TMEM163: variants seen among roughly 807,000 people sequenced by gnomAD.
TMEM163 encodes transmembrane protein 163.
In TMEM163, 17 loss-of-function variants were observed where a neutral mutation model predicts 29.3. That is an observed-to-expected ratio of 0.58 (90% CI 0.40 to 0.87). The LOEUF (loss-of-function observed/expected upper bound fraction) is 0.87, where lower values mean the gene tolerates loss of function less well. Ranked by LOEUF, TMEM163 falls within the 40% of genes least tolerant of loss-of-function variation. The pLI is 0.00. For synonymous variants in TMEM163, 157 were observed against 160.6 expected (o/e 0.98, Z 0.17); for missense variants, 303 against 381.5 (o/e 0.79, Z 1.71).
chr2:134,470,918 T>C (rs1686785439), intron 5 of TMEM163, among the ~76,000 whole-genome samples: 1 of 152,196 alleles, frequency 6.6e-6, no homozygotes, highest in Admixed American at 6.5e-5. Context: ...ATGCCTGGAA[T>C]CCCAGTGCTT....
At chr2:134,587,007 G>A (rs1212437086) in intron 2 of TMEM163, among the ~76,000 whole-genome samples, 7 of 152,032 alleles carry the variant, frequency 4.6e-5, no homozygotes, top group African/African-American at 1.7e-4. Context: ...TCTAATTAGG[G>A]TAAATCTTGG....
chr2:134,645,982 A>AT (rs1438765168), intron 2 of TMEM163, among the ~76,000 whole-genome samples: 1 of 152,160 alleles, frequency 6.6e-6, no homozygotes, highest in Non-Finnish European at 1.5e-5. Flanking sequence ...TTTTTTAAAG[A>AT]TAAACTTTAC....
At chr2:134,595,867 T>G (rs1421457421) in intron 2 of TMEM163, among the ~76,000 whole-genome samples, 2 of 152,224 alleles carry the variant, frequency 1.3e-5, no homozygotes, top group South Asian at 2.1e-4. Context: ...TGATGGCCAG[T>G]GATGATGAGC....
At chr2:134,684,652 G>A (rs1179871378) in intron 2 of TMEM163, among the ~76,000 whole-genome samples, 8 of 152,068 alleles carry the variant, frequency 5.3e-5, no homozygotes, top group Non-Finnish European at 7.4e-5. Flanking sequence ...CAGGCCGGGC[G>A]AGGTGGCTCA....
chr2:134,497,939 C>T (rs1450034302), intron 5 of TMEM163, among the ~76,000 whole-genome samples: 4 of 152,214 alleles, frequency 2.6e-5, no homozygotes, highest in Admixed American at 2.6e-4. Context: ...TGCTCAGGAG[C>T]TGAGTCTGAA....
rs994846458 is a variant in TMEM163 at position 134,712,755 on chromosome 2, G to C, written c.322+445C>G. Among the ~76,000 whole-genome samples, 3 of 152,096 alleles carry C rather than the reference G, an allele frequency of 2.0e-5. No individual in the cohort carries two copies. In the East Asian group the frequency reaches 5.8e-4, roughly 29 times the overall value. On this transcript the variant is annotated intron_variant, in intron 2 of 7. Transcript: ENST00000281924. ...ACCCTCCCATTTTCCTTTCACTAAAGTGTGCATAGGATTTTCCTCCAAGCC... is the reference window on the plus strand; with the variant it reads ...ACCCTCCCATTTTCCTTTCACTAAACTGTGCATAGGATTTTCCTCCAAGCC...
intron 4 of TMEM163, among the ~76,000 whole-genome samples, chr2:134,539,837 T>C (rs1680627036): frequency 6.6e-6 from 1 of 152,222 alleles, no homozygotes; most frequent in African/African-American, 2.4e-5. Context: ...AGATTTCTTC[T>C]GAACACAGGA....
chr2:134,490,604 A>AT (rs763221555), intron 5 of TMEM163, among the ~76,000 whole-genome samples: 3 of 152,260 alleles, frequency 2.0e-5, no homozygotes, highest in East Asian at 3.9e-4. Context: ...AAGGTTAAGA[A>AT]TTTTTACTCA....
intron 2 of TMEM163, among the ~76,000 whole-genome samples, chr2:134,661,929 C>CTTTTT (rs1328565759): frequency 4.9e-5 from 6 of 121,248 alleles, no homozygotes; most frequent in East Asian, 5.2e-4. Context: ...AATTTTCTTT[C>CTTTTT]TTTTTTTTTT....
chr2:134,653,081 C>A lies in TMEM163; in HGVS notation c.322+60119G>T, dbSNP rs1005702310. 1.6e-5 allele frequency among the ~76,000 whole-genome samples: 2 copies of A among 122,588 alleles called. 1 individual carries two copies. The highest frequency in any genetic ancestry group is 5.7e-4 in the South Asian group (2 of 3,518). 80.4% of individuals were successfully genotyped at this position (122,588 alleles called of 152,430 possible). On this transcript the variant is annotated intron_variant, in intron 2 of 7. Coordinates refer to ENST00000281924, the MANE Select transcript of TMEM163 (RefSeq NM_030923.5). ...CTCATAAAATGAGTTAGGGAGGATT[C>A]CCTCTTTTTCTATTGATTGGAATAG...
intron 2 of TMEM163, among the ~76,000 whole-genome samples, chr2:134,686,022 T>C (rs1303172552): frequency 6.6e-6 from 1 of 152,224 alleles, no homozygotes; most frequent in Non-Finnish European, 1.5e-5. Flanking sequence ...CTGTCTGTCC[T>C]GTCACAGAAA....
chr2:134,541,320 A>T (rs545335309), intron 4 of TMEM163, among the ~76,000 whole-genome samples: 1 of 152,274 alleles, frequency 6.6e-6, no homozygotes, highest in Non-Finnish European at 1.5e-5. Flanking sequence ...CATTGCTGAT[A>T]AAAAGAATTA....
chr2:134,651,087 TTTCTAG>T (rs1462224505), intron 2 of TMEM163, among the ~76,000 whole-genome samples: 1 of 83,214 alleles, frequency 1.2e-5, no homozygotes, highest in Non-Finnish European at 2.2e-5. Flanking sequence ...TCAAATGGTA[TTTCTAG>T]TTCTAGATCC....
intron 5 of TMEM163, among the ~76,000 whole-genome samples, chr2:134,491,652 A>G (rs1378935067): frequency 6.6e-6 from 1 of 152,148 alleles, no homozygotes; most frequent in Non-Finnish European, 1.5e-5. Flanking sequence ...TTATCTGAGG[A>G]TCTGTTTCCT....
rs150159304 is a variant in TMEM163, at chr2:134,538,196, C to T, written c.458+12374G>A. Among the ~76,000 whole-genome samples the T allele has an allele frequency of 1.3e-3, 195 of 152,274 alleles. 1 individual carries two copies. Among genetic ancestry groups the T allele is most frequent in the African/African-American group, 4.5e-3 (189 of 41,548 alleles). On this transcript the variant is annotated intron_variant, in intron 4 of 7. Transcript: ENST00000281924. ...TTGGGAGGTGACTAGGTCACGGGGC[C>T]AGAGCCCTCATGAATGGGATTAGTG...
intron 4 of TMEM163, among the ~76,000 whole-genome samples, chr2:134,506,239 C>T (rs1026543197): frequency 6.6e-6 from 1 of 152,192 alleles, no homozygotes; most frequent in Non-Finnish European, 1.5e-5. Flanking sequence ...AAATGTGTTA[C>T]AGATTCAAAA....
At chr2:134,603,113 C>A (rs562826003) in intron 2 of TMEM163, among the ~76,000 whole-genome samples, 7 of 152,124 alleles carry the variant, frequency 4.6e-5, no homozygotes, top group Non-Finnish European at 7.3e-5. Flanking sequence ...TCCAGGGTCA[C>A]TCTAGACTCT....
At chr2:134,665,862 GCT>G (rs1359458475) in intron 2 of TMEM163, among the ~76,000 whole-genome samples, 1 of 152,106 alleles carries the variant, frequency 6.6e-6, no homozygotes, top group Non-Finnish European at 1.5e-5. Flanking sequence ...CTGCATCTAA[GCT>G]CCACCTGGCT....
At chr2:134,598,292 C>T (rs2104807785) in intron 2 of TMEM163, among the ~76,000 whole-genome samples, 1 of 152,296 alleles carries the variant, frequency 6.6e-6, no homozygotes. Context: ...CACCTGCTTC[C>T]AAACCTGCTT....
Sources: allele counts gnomAD v4.1 joint callset (sites outside exome capture counted in the v4.1 genomes callset), GRCh38; gene constraint gnomAD v4.1.1; transcripts MANE v1.5; gene names NCBI Gene and HGNC (gene_info 2026-07-23, HGNC 2026-07-21).